ANO1: variants seen among roughly 807,000 people sequenced by gnomAD.
The protein encoded by ANO1 is anoctamin 1.
Under a neutral mutation model 124.0 loss-of-function variants are expected in ANO1, and 59 were observed. The observed-to-expected ratio is 0.48, with a 90% CI of 0.39 to 0.59. The LOEUF (loss-of-function observed/expected upper bound fraction) is 0.59. ANO1 is among the 20% of genes least tolerant of loss of function. ANO1 has a pLI of 0.00. For synonymous variants in ANO1, 529 were observed against 532.0 expected, an observed-to-expected ratio of 0.99 and a Z score of 0.08; for missense variants, 1,059 against 1,328.0, an observed-to-expected ratio of 0.80 and a Z score of 3.15.
chr11:70,110,804 G>A (rs2045747225), intron 6 of ANO1, among the ~76,000 whole-genome samples: 1 of 152,186 alleles, frequency 6.6e-6, no homozygotes, highest in African/African-American at 2.4e-5. Flanking sequence ...GGGCCCCCAC[G>A]ATGTATTTGG....
Position 70,104,008 on chromosome 11 carries a change from A to G in ANO1, c.550A>G (p.Ile184Val), listed in dbSNP as rs571554646. 1.1e-5 allele frequency: 18 copies of G among 1,612,172 alleles called. No individual in the cohort carries two copies. The African/African-American group carries it at 1.7e-4, about 16-fold the overall frequency. The change falls in exon 4 of 26, where the codon ATT becomes GTT. Residue 184 changes from isoleucine (I) to valine (V), a missense_variant. Physicochemically the swap from Ile to Val is conservative, Grantham distance 29 (BLOSUM62 3). Coordinates refer to ENST00000355303, the MANE Select transcript of ANO1 (RefSeq NM_018043.7). ...LKMPTKKMYH[I>V]NETRGLLKKI... ...CTTGTCTTATCTGCAGATGTACCAC[A>G]TTAATGAGACCCGTGGCCTCCTGAA...
intron 14 of ANO1, among the ~76,000 whole-genome samples, chr11:70,153,916 C>A (rs1296524162): frequency 6.6e-6 from 1 of 152,084 alleles, no homozygotes; most frequent in Non-Finnish European, 1.5e-5. Flanking sequence ...CAGGCGCGTA[C>A]CACCGTGTCC....
chr11:70,110,867 G>A (rs946492469), intron 6 of ANO1, among the ~76,000 whole-genome samples: 6 of 152,354 alleles, frequency 3.9e-5, no homozygotes, highest in Middle Eastern at 3.4e-3. Flanking sequence ...CTGGCTTTCC[G>A]GTCCTCTCTC....
chr11:70,025,826 G>C (rs1217918594), intron 1 of ANO1, among the ~76,000 whole-genome samples: 7 of 109,698 alleles, frequency 6.4e-5, no homozygotes, highest in African/African-American at 2.6e-4. Context: ...TGATGATGAT[G>C]GTGGTGGTGA....
intron 18 of ANO1, 116 bp from the exon 19 acceptor site, chr11:70,163,167 T>C (rs2048121951): frequency 3.5e-5 from 38 of 1,074,114 alleles, no homozygotes; most frequent in Non-Finnish European, 5.1e-5. Flanking sequence ...CGCCTGTAGA[T>C]ACCCTCGAGG....
rs760345460 is a variant in ANO1, at chr11:70,161,407, T to C, written c.1780+45T>C. Reference sequence around the variant, plus strand: ...GTACTGTGGCCTGGACTCAGGCAGCTGGAGTCGCCTGCCTCTTGCTGTGCA... The same window carrying C: ...GTACTGTGGCCTGGACTCAGGCAGCCGGAGTCGCCTGCCTCTTGCTGTGCA... On this transcript the variant is annotated intron_variant, in intron 17 of 25. Coordinates refer to ENST00000355303, the MANE Select transcript of ANO1 (RefSeq NM_018043.7). 5.0e-6 allele frequency: 8 copies of C among 1,585,904 alleles called. No homozygotes were observed. In the East Asian group the frequency reaches 8.9e-5, roughly 18 times the overall value.
intron 11 of ANO1, 119 bp from the exon 12 acceptor site, chr11:70,149,591 A>C: frequency 2.0e-6 from 2 of 1,019,626 alleles, no homozygotes; most frequent in East Asian, 2.7e-5. Context: ...GCGAGATTGC[A>C]GTGGGTGGAG....
upstream of ANO1, among the ~76,000 whole-genome samples, chr11:69,984,708 T>A (rs1855997928): frequency 1.3e-5 from 2 of 152,092 alleles, no homozygotes; most frequent in African/African-American, 2.4e-5. Flanking sequence ...CGGGTCTGTC[T>A]CCCTCAGGGC....
At chr11:70,132,163 A>G in intron 11 of ANO1, 84 bp downstream of exon 11, 1 of 1,455,460 alleles carries the variant, frequency 6.9e-7, no homozygotes, top group Non-Finnish European at 9.2e-7. Context: ...TCTTTGCGAA[A>G]TCATCCTCAG....
chr11:70,022,605 C>CAA (rs56905685), intron 1 of ANO1, among the ~76,000 whole-genome samples: 36 of 142,804 alleles, frequency 2.5e-4, no homozygotes, highest in East Asian at 6.1e-4. Flanking sequence ...GACTCCATCT[C>CAA]AAAAAAAAAA....
At position 70,161,276 on chromosome 11, in the gene ANO1, C is replaced by T; in HGVS notation, c.1694C>T (p.Thr565Ile). Residue 565 changes from threonine (T) to isoleucine (I), a missense_variant, in exon 17 of 26, where the codon ACA (threonine) becomes ATA (isoleucine). By Grantham distance (89) the Thr-to-Ile change is moderately conservative (BLOSUM62 -1). Around this residue, in one of 2 missense-constraint regions of ANO1, gnomAD observed 809 missense variants for 1,094.9 expected, o/e 0.74. Transcript: ENST00000355303. ...SVRSNIRVTV[T>I]ATAVIINLVV... ...CGGTCCAACATCCGGGTCACAGTCA[C>T]AGCCACCGCAGTCATCATCAACCTA... is the stretch of plus-strand genomic sequence containing the variant. 1.7e-5 allele frequency: 27 copies of T among 1,613,938 alleles called. No homozygotes were observed. The highest frequency in any genetic ancestry group is 2.3e-5 in the Non-Finnish European group (27 of 1,179,796).
chr11:70,170,914 T>C lies in ANO1; in HGVS notation c.2225T>C (p.Phe742Ser). 6.2e-7 allele frequency: 1 copy of C among 1,613,518 alleles called. No homozygotes were observed. Among genetic ancestry groups the C allele is most frequent in the Non-Finnish European group, 8.5e-7 (1 of 1,179,728 alleles). ...MIIQFGFVTL[F>S]VASFPLAPLF... The stretch of plus-strand genomic sequence containing the variant: ...ATCCAGTTTGGCTTCGTCACCCTGT[T>C]TGTCGCCTCCTTCCCCCTGGCCCCA... The change falls in exon 22 of 26, where the codon TTT becomes TCT. Residue 742 changes from phenylalanine to serine, a missense_variant. Phe to Ser is a radical substitution (Grantham distance 155). Transcript: ENST00000355303.
At chr11:70,134,651 G>A (rs1248263654) in intron 11 of ANO1, among the ~76,000 whole-genome samples, 3 of 152,192 alleles carry the variant, frequency 2.0e-5, no homozygotes, top group Admixed American at 6.5e-5. Context: ...CATCAGCCAC[G>A]TGTACTGAGC....
At chr11:70,088,192 GT>G in intron 2 of ANO1, 108 bp downstream of exon 2, 2 of 844,810 alleles carry the variant, frequency 2.4e-6, no homozygotes, top group African/African-American at 1.7e-5. Context: ...CTGGTATCTT[GT>G]TTTAGCTTTA....
chr11:70,106,130 T>C (rs964369021), intron 5 of ANO1, among the ~76,000 whole-genome samples: 4 of 151,996 alleles, frequency 2.6e-5, no homozygotes, highest in Non-Finnish European at 4.4e-5. Flanking sequence ...TGCCTGACCA[T>C]CAGGCCACGA....
At chr11:70,083,516 G>A (rs1565180955) in intron 1 of ANO1, among the ~76,000 whole-genome samples, 1 of 152,298 alleles carries the variant, frequency 6.6e-6, no homozygotes, top group East Asian at 1.9e-4. Flanking sequence ...GGGTAGGTGT[G>A]TCCCTTGATA....
chr11:70,141,095 G>A (rs1426945012), intron 11 of ANO1, among the ~76,000 whole-genome samples: 1 of 152,152 alleles, frequency 6.6e-6, no homozygotes, highest in African/African-American at 2.4e-5. Context: ...GTTTCAGCAC[G>A]TGCCCTGGTC....
chr11:70,137,577 A>G (rs988296733), intron 11 of ANO1, among the ~76,000 whole-genome samples: 1 of 145,512 alleles, frequency 6.9e-6, no homozygotes, highest in Non-Finnish European at 1.5e-5. Flanking sequence ...CAGGCTGGGA[A>G]GATCCACCCA....
chr11:70,101,161 C>T (rs1291540662), intron 2 of ANO1, among the ~76,000 whole-genome samples: 1 of 151,898 alleles, frequency 6.6e-6, no homozygotes, highest in Non-Finnish European at 1.5e-5. Context: ...GGTGCTGGGG[C>T]CCCACCTTTA....
Sources: allele counts gnomAD v4.1 joint callset (sites outside exome capture counted in the v4.1 genomes callset), GRCh38; gene constraint gnomAD v4.1.1; regional missense constraint gnomAD v4.1.1; transcripts MANE v1.5; gene names NCBI Gene and HGNC (gene_info 2026-07-23, HGNC 2026-07-21).